Variants in CNTNAP5 observed in about 807,000 individuals in gnomAD.
CNTNAP5 encodes contactin associated protein family member 5, also known as contactin-associated protein-like 5.
A neutral mutation model predicts 150.2 loss-of-function variants in CNTNAP5; 72 were observed. The ratio of observed to expected loss-of-function variants is 0.48; its 90% CI spans 0.40 to 0.58. The LOEUF (loss-of-function observed/expected upper bound fraction) is 0.58, where lower values mean the gene tolerates loss of function less well. Among genes scored for constraint, CNTNAP5 ranks in the 20% least tolerant of loss-of-function variants. CNTNAP5 has a pLI of 0.00. For synonymous variants in CNTNAP5, 672 were observed against 619.8 expected, an observed-to-expected ratio of 1.08 and a Z score of -1.25; for missense variants, 1,636 against 1,626.2, an observed-to-expected ratio of 1.01 and a Z score of -0.10.
At chr2:124,477,303 T>C (rs568602231) in intron 7 of CNTNAP5, among the ~76,000 whole-genome samples, 1 of 152,140 alleles carries the variant, frequency 6.6e-6, no homozygotes, top group African/African-American at 2.4e-5. Context: ...TATTCTTTGA[T>C]AAATATAATC....
chr2:124,704,181 A>G (rs1366903007), intron 13 of CNTNAP5, among the ~76,000 whole-genome samples: 1 of 152,164 alleles, frequency 6.6e-6, no homozygotes, highest in African/African-American at 2.4e-5. Flanking sequence ...TTGCACTGGG[A>G]GTGGGGCGAC....
intron 3 of CNTNAP5, among the ~76,000 whole-genome samples, chr2:124,300,613 G>A (rs1688549639): frequency 6.6e-6 from 1 of 152,198 alleles, no homozygotes; most frequent in Non-Finnish European, 1.5e-5. Flanking sequence ...TGGACCACAG[G>A]CGAGTGGCAG....
intron 12 of CNTNAP5, among the ~76,000 whole-genome samples, chr2:124,629,055 T>C (rs1677791006): frequency 6.6e-6 from 1 of 152,180 alleles, no homozygotes; most frequent in African/African-American, 2.4e-5. Flanking sequence ...CCTAGATTTA[T>C]AAAACAAGTT....
intron 19 of CNTNAP5, among the ~76,000 whole-genome samples, chr2:124,836,813 G>A (rs1462712691): frequency 6.6e-6 from 1 of 152,066 alleles, no homozygotes; most frequent in Non-Finnish European, 1.5e-5. Flanking sequence ...AATCCCCACT[G>A]AACAGTGATT....
intron 19 of CNTNAP5, among the ~76,000 whole-genome samples, chr2:124,833,290 T>A (rs1397356439): frequency 6.6e-6 from 1 of 152,076 alleles, no homozygotes. Context: ...ACTAGCTGAA[T>A]AAAACTCAGC....
chr2:124,132,463 T>A (rs188307048), intron 1 of CNTNAP5, among the ~76,000 whole-genome samples: 1 of 152,196 alleles, frequency 6.6e-6, no homozygotes, highest in East Asian at 1.9e-4. Context: ...TCTGGTTGTA[T>A]TATGCTTCCA....
intron 14 of CNTNAP5, among the ~76,000 whole-genome samples, chr2:124,756,749 C>T (rs942226662): frequency 6.6e-6 from 1 of 151,960 alleles, no homozygotes; most frequent in Non-Finnish European, 1.5e-5. Context: ...GGGAACAACA[C>T]ACACTGGGGC....
At chr2:124,621,010 G>C (rs1677603831) in intron 12 of CNTNAP5, among the ~76,000 whole-genome samples, 1 of 152,104 alleles carries the variant, frequency 6.6e-6, no homozygotes, top group African/African-American at 2.4e-5. Flanking sequence ...AGCCTGGAGA[G>C]AGCATTTCTG....
chr2:124,884,172 A>G (rs967986851), intron 21 of CNTNAP5, among the ~76,000 whole-genome samples: 1 of 151,934 alleles, frequency 6.6e-6, no homozygotes, highest in Admixed American at 6.6e-5. Context: ...GCATGTCTGT[A>G]TGCATGCACA....
chr2:124,521,385 T>G lies in CNTNAP5; in HGVS notation c.1328-2918T>G, dbSNP rs180866518. Reference sequence around the variant, plus strand: ...ATTAAAGAAAGGGCAGACCAAAAAATAAAAAGAAAAAAAGAAAACCACCAA... The same window carrying G: ...ATTAAAGAAAGGGCAGACCAAAAAAGAAAAAGAAAAAAAGAAAACCACCAA... On this transcript the variant is annotated intron_variant, in intron 8 of 23. Transcript: ENST00000682447. Among the ~76,000 whole-genome samples the G allele has an allele frequency of 2.8e-3, 423 of 151,782 alleles. 2 individuals are homozygous for G. Among genetic ancestry groups the G allele is most frequent in the African/African-American group, 9.3e-3 (386 of 41,366 alleles).
intron 13 of CNTNAP5, among the ~76,000 whole-genome samples, chr2:124,744,872 C>T (rs972303955): frequency 1.3e-5 from 2 of 152,168 alleles, no homozygotes; most frequent in Non-Finnish European, 2.9e-5. Flanking sequence ...GAGACCAAGA[C>T]ACAAAGATGG....
At chr2:124,056,393 G>A (rs767148764) in intron 1 of CNTNAP5, among the ~76,000 whole-genome samples, 19 of 152,278 alleles carry the variant, frequency 1.2e-4, no homozygotes, top group Non-Finnish European at 2.1e-4. Flanking sequence ...GGGAGGCCGA[G>A]GCGAGCAGAT....
chr2:124,460,389 T>A (rs1693218041), intron 6 of CNTNAP5, among the ~76,000 whole-genome samples: 1 of 152,214 alleles, frequency 6.6e-6, no homozygotes, highest in South Asian at 2.1e-4. Flanking sequence ...AGTTCTTATA[T>A]TTGTTTTAAA....
intron 1 of CNTNAP5, among the ~76,000 whole-genome samples, chr2:124,027,542 G>A (rs967285305): frequency 1.3e-5 from 2 of 152,162 alleles, no homozygotes; most frequent in South Asian, 2.1e-4. Flanking sequence ...TTTTAGAATA[G>A]CATTTTTTGT....
chr2:124,898,620 A>G (rs984873870), intron 21 of CNTNAP5, among the ~76,000 whole-genome samples: 2 of 151,652 alleles, frequency 1.3e-5, no homozygotes, highest in Non-Finnish European at 2.9e-5. Context: ...CGTTAGTTTA[A>G]AATAAGTTAA....
rs1431048013 is a variant in CNTNAP5 at position 124,103,304 on chromosome 2, T to A, written c.82+77572T>A. ...ACTGTGTAAAGTAAACATGTTATAG[T>A]AAGCTGCAGTTAATTTATGATTGAA... is the stretch of plus-strand genomic sequence containing the variant. On this transcript the variant is annotated intron_variant, in intron 1 of 23. Coordinates refer to ENST00000682447, the MANE Select transcript of CNTNAP5 (RefSeq NM_001367498.1). Among the ~76,000 whole-genome samples the A allele has an allele frequency of 2.0e-5, 3 of 152,168 alleles. No homozygotes were observed. The South Asian group carries it at 6.2e-4, about 32-fold the overall frequency.
intron 16 of CNTNAP5, among the ~76,000 whole-genome samples, chr2:124,771,734 C>A (rs571718023): frequency 5.3e-4 from 81 of 151,942 alleles, no homozygotes; most frequent in African/African-American, 1.8e-3. Flanking sequence ...CCATCACCAC[C>A]ACCGTTACCA....
chr2:124,801,322 G>A (rs1434433964), intron 19 of CNTNAP5, among the ~76,000 whole-genome samples: 1 of 152,088 alleles, frequency 6.6e-6, no homozygotes, highest in Admixed American at 6.6e-5. Context: ...TTTTTGAAAG[G>A]CAATCTAGAT....
intron 14 of CNTNAP5, among the ~76,000 whole-genome samples, chr2:124,762,645 AT>A: frequency 6.6e-6 from 1 of 152,114 alleles, no homozygotes; most frequent in East Asian, 1.9e-4. Context: ...CAGAAATGAA[AT>A]TATTTGCCCA....
Sources: allele counts gnomAD v4.1 joint callset (sites outside exome capture counted in the v4.1 genomes callset), GRCh38; gene constraint gnomAD v4.1.1; transcripts MANE v1.5; gene names NCBI Gene and HGNC (gene_info 2026-07-23, HGNC 2026-07-21).